The following SNX13 variants were observed in gnomAD, a reference collection of about 807,000 sequenced individuals.
SNX13 encodes sorting nexin 13, also known as sorting nexin-13.
SNX13 carries 45 observed loss-of-function variants against 133.6 expected under a neutral mutation model. The observed-to-expected ratio is 0.34, with a 90% CI of 0.27 to 0.43. SNX13 has a LOEUF of 0.43. SNX13 is among the 20% of genes least tolerant of loss of function. The probability of loss-of-function intolerance (pLI) is 1.00; values close to 1 mark genes in which losing one functional copy is unlikely to be tolerated. For synonymous variants in SNX13, 414 were observed against 373.9 expected, an observed-to-expected ratio of 1.11 and a Z score of -1.24; for missense variants, 1,032 against 1,145.1, an observed-to-expected ratio of 0.90 and a Z score of 1.43.
In SNX13 at chr7:17,799,166, T is replaced by A. The variant is rs1784366157; in HGVS notation, c.2299-12A>T. On this transcript the variant is annotated splice_polypyrimidine_tract_variant and intron_variant, in intron 22 of 25. Coordinates refer to ENST00000428135, the MANE Select transcript of SNX13 (RefSeq NM_015132.5). ...ATATTGTCATCCACCTGACAAAATATAAGAAATAAGAATAAGTTTGAGTTA... is the reference window on the plus strand; with the variant it reads ...ATATTGTCATCCACCTGACAAAATAAAAGAAATAAGAATAAGTTTGAGTTA... 8 of 1,583,100 alleles carry A rather than the reference T, an allele frequency of 5.1e-6. No individual in the cohort carries two copies. Among genetic ancestry groups the A allele is most frequent in the Non-Finnish European group, 6.0e-6 (7 of 1,166,930 alleles).
At chr7:17,851,914 C>G (rs1791258069) in intron 9 of SNX13, among the ~76,000 whole-genome samples, 1 of 151,818 alleles carries the variant, frequency 6.6e-6, no homozygotes, top group Non-Finnish European at 1.5e-5. Flanking sequence ...AAACCATGAA[C>G]ATGGATGGGA....
intron 8 of SNX13, among the ~76,000 whole-genome samples, chr7:17,873,322 A>G (rs1311839954): frequency 1.3e-5 from 2 of 152,252 alleles, no homozygotes; most frequent in Non-Finnish European, 2.9e-5. Context: ...CTATTAGGTA[A>G]TGAAATACAT....
In SNX13 at chr7:17,901,713, T is replaced by C. The variant is rs188759284; in HGVS notation, c.13-4267A>G. Among the ~76,000 whole-genome samples the C allele has an allele frequency of 2.7e-3, 406 of 152,310 alleles. 11 individuals are homozygous for C. Among genetic ancestry groups the C allele is most frequent in the Admixed American group, 0.025 (384 of 15,306 alleles). ...GAGGGGTGGCATTGACAATTCAATA[T>C]TGTCCTTCCTACCATCTTCAGTGCC... On this transcript the variant is annotated intron_variant, in intron 1 of 25. Coordinates refer to ENST00000428135, the MANE Select transcript of SNX13 (RefSeq NM_015132.5).
intron 12 of SNX13, among the ~76,000 whole-genome samples, chr7:17,840,865 T>C (rs1179272864): frequency 1.3e-5 from 2 of 152,088 alleles, no homozygotes. Flanking sequence ...CAGAATCTGA[T>C]GTAACTAATT....
chr7:17,882,401 CTT>C (rs1376814459), intron 5 of SNX13: 4 of 152,108 alleles, frequency 2.6e-5, no homozygotes, highest in Non-Finnish European at 5.9e-5. Context: ...TGTACAAAAA[CTT>C]TTTATTTCAT....
intron 9 of SNX13, among the ~76,000 whole-genome samples, chr7:17,861,377 CACACAG>C (rs1792670516): frequency 7.2e-6 from 1 of 139,770 alleles, no homozygotes; most frequent in South Asian, 2.3e-4. Context: ...CACACACACA[CACACAG>C]TGTGATAACT....
chr7:17,848,873 A>C (rs1790869330), intron 11 of SNX13, among the ~76,000 whole-genome samples: 1 of 152,188 alleles, frequency 6.6e-6, no homozygotes, highest in South Asian at 2.1e-4. Flanking sequence ...ACCCTGCTTC[A>C]ATATCACATG....
chr7:17,826,958 T>G (rs560066408), intron 16 of SNX13, among the ~76,000 whole-genome samples: 4 of 152,100 alleles, frequency 2.6e-5, no homozygotes, highest in Admixed American at 6.6e-5. Flanking sequence ...TTAGGGAAGA[T>G]TCTCAGCATT....
rs2128279783 is a variant in SNX13, at chr7:17,792,049, G to C, written c.*1996C>G. ...CCTTTATTTCCCTAATTGATGGCCAGTGCTCCTCACATTATATAGAAATGC... is the reference window on the plus strand; with the variant it reads ...CCTTTATTTCCCTAATTGATGGCCACTGCTCCTCACATTATATAGAAATGC... On this transcript the variant is annotated 3_prime_UTR_variant, in exon 26 of 26. Coordinates refer to ENST00000428135, the MANE Select transcript of SNX13 (RefSeq NM_015132.5). 6.6e-6 allele frequency: 1 copy of C among 152,178 alleles called. No individual in the cohort carries two copies. The highest frequency in any genetic ancestry group is 2.4e-5 in the African/African-American group (1 of 41,534). The allele number at this position is 152,178 out of a possible 1,614,324, so 9.4% of individuals were successfully genotyped here. A position where few individuals can be genotyped will look rare whatever the true frequency, so the allele number is the denominator to read the frequency against.
chr7:17,800,802 CAT>C lies in SNX13; in HGVS notation c.2298+784_2298+785del, dbSNP rs143872561. Among the ~76,000 whole-genome samples, 821 of 151,166 alleles carry C rather than the reference CAT, an allele frequency of 5.4e-3. 7 individuals are homozygous for C. Among genetic ancestry groups the C allele is most frequent in the African/African-American group, 0.019 (783 of 41,350 alleles). ...ACAGAACATTCAAATGGCCAATAAA[CAT>C]ATAAAAAGGTGTGTAACATTTCAAC... On this transcript the variant is annotated intron_variant, in intron 22 of 25. Coordinates refer to ENST00000428135, the MANE Select transcript of SNX13 (RefSeq NM_015132.5).
chr7:17,895,518 A>G (rs997128303), intron 2 of SNX13, among the ~76,000 whole-genome samples: 1 of 152,192 alleles, frequency 6.6e-6, no homozygotes, highest in Non-Finnish European at 1.5e-5. Flanking sequence ...TAGAAAAACA[A>G]GAGAGGATTC....
chr7:17,928,376 A>G (rs899245118), intron 1 of SNX13, among the ~76,000 whole-genome samples: 6 of 152,172 alleles, frequency 3.9e-5, no homozygotes, highest in Admixed American at 2.0e-4. Flanking sequence ...GGATTTGCTA[A>G]CCACTTTAAC....
intron 1 of SNX13, chr7:17,907,156 C>T (rs890902681): frequency 2.0e-5 from 3 of 152,122 alleles, no homozygotes; most frequent in African/African-American, 7.2e-5. Context: ...CCTCAGCAAA[C>T]AAGGAGCCAA....
At chr7:17,804,459 C>T (rs1281156668) in intron 20 of SNX13, among the ~76,000 whole-genome samples, 3 of 151,738 alleles carry the variant, frequency 2.0e-5, no homozygotes, top group African/African-American at 4.8e-5. Context: ...GGAAAAGAGA[C>T]GTTGCAAATC....
intron 1 of SNX13, among the ~76,000 whole-genome samples, chr7:17,897,685 C>G (rs17716858): frequency 6.6e-6 from 1 of 151,798 alleles, no homozygotes; most frequent in African/African-American, 2.4e-5. Context: ...TTAAAAAATC[C>G]TAGTGGCAAT....
chr7:17,884,111 A>G (rs1178116158), intron 5 of SNX13, among the ~76,000 whole-genome samples: 1 of 152,206 alleles, frequency 6.6e-6, no homozygotes, highest in Non-Finnish European at 1.5e-5. Context: ...AAAATATATA[A>G]GAAGAATTAT....
intron 12 of SNX13, among the ~76,000 whole-genome samples, chr7:17,841,758 T>G (rs181993597): frequency 1.9e-4 from 28 of 151,028 alleles, no homozygotes; most frequent in Non-Finnish European, 3.8e-4. Flanking sequence ...AAGAAAGATG[T>G]AAAAAAGTCA....
intron 1 of SNX13, among the ~76,000 whole-genome samples, chr7:17,938,979 A>G (rs1243569873): frequency 1.3e-5 from 2 of 152,252 alleles, no homozygotes; most frequent in Non-Finnish European, 2.9e-5. Flanking sequence ...AGAATGAAAA[A>G]TCTGTAGAAT....
At chr7:17,875,219 C>T (rs556063092) in intron 7 of SNX13, among the ~76,000 whole-genome samples, 3 of 152,078 alleles carry the variant, frequency 2.0e-5, no homozygotes, top group East Asian at 1.9e-4. Context: ...CCAGGCCCTT[C>T]GGCCTCCCAA....
Sources: gnomAD v4.1 joint callset for allele counts (sites outside exome capture counted in the v4.1 genomes callset) on GRCh38, gnomAD v4.1.1 for gene constraint, MANE v1.5 for transcripts, NCBI Gene and HGNC (gene_info 2026-07-23, HGNC 2026-07-21) for gene names.